Variants in CADM2 observed in about 807,000 individuals in gnomAD.
CADM2 encodes cell adhesion molecule 2.
A neutral mutation model predicts 49.8 loss-of-function variants in CADM2; 12 were observed. The ratio of observed to expected loss-of-function variants is 0.24; its 90% CI spans 0.15 to 0.39. CADM2 has a LOEUF of 0.39. Among genes scored for constraint, CADM2 ranks in the 10% least tolerant of loss-of-function variants. The pLI, the probability that CADM2 is intolerant of heterozygous loss-of-function variation, is 1.00. For missense variants in CADM2, 378 were observed against 492.3 expected (o/e 0.77, Z 2.20); for synonymous variants, 214 against 175.4 (o/e 1.22, Z -1.74).
intron 1 of CADM2, among the ~76,000 whole-genome samples, chr3:85,503,099 TAA>T (rs2040186774): frequency 1.3e-5 from 1 of 74,108 alleles, no homozygotes. Context: ...ACTCCTAACA[TAA>T]AGTTTTACTT....
chr3:85,467,686 T>C (rs1026120723), intron 1 of CADM2, among the ~76,000 whole-genome samples: 4 of 152,146 alleles, frequency 2.6e-5, no homozygotes, highest in African/African-American at 9.7e-5. Flanking sequence ...TGAGCTAAAA[T>C]AGTGTTTTCT....
intron 1 of CADM2, among the ~76,000 whole-genome samples, chr3:85,109,389 G>C (rs926091760): frequency 5.9e-5 from 9 of 151,866 alleles, no homozygotes; most frequent in African/African-American, 1.9e-4. Flanking sequence ...AGAGAGGAGA[G>C]AGAGAGAGAG....
chr3:85,482,105 C>T (rs933384738), intron 1 of CADM2, among the ~76,000 whole-genome samples: 9 of 151,454 alleles, frequency 5.9e-5, no homozygotes, highest in Non-Finnish European at 1.3e-4. Flanking sequence ...AAATGTTTAC[C>T]GAAATTCAAA....
At chr3:85,934,157 C>G (rs932794106) in intron 6 of CADM2, among the ~76,000 whole-genome samples, 3 of 152,036 alleles carry the variant, frequency 2.0e-5, no homozygotes, top group Non-Finnish European at 4.4e-5. Flanking sequence ...AAACTAAACT[C>G]TTCTTTATAA....
intron 1 of CADM2, among the ~76,000 whole-genome samples, chr3:85,088,536 T>C (rs1284581200): frequency 6.6e-6 from 1 of 152,028 alleles, no homozygotes; most frequent in Non-Finnish European, 1.5e-5. Flanking sequence ...ATCCTCAGAA[T>C]CAAGAGAGTA....
At chr3:85,097,686 T>C (rs1267035490) in intron 1 of CADM2, among the ~76,000 whole-genome samples, 1 of 152,194 alleles carries the variant, frequency 6.6e-6, no homozygotes, top group East Asian at 1.9e-4. Context: ...ACAGCTGTAA[T>C]TGGCAAATTT....
intron 1 of CADM2, among the ~76,000 whole-genome samples, chr3:85,005,150 C>G (rs1394116763): frequency 6.6e-6 from 1 of 152,106 alleles, no homozygotes; most frequent in East Asian, 1.9e-4. Flanking sequence ...CTCTCAGATT[C>G]TGGAGTAGCA....
intron 1 of CADM2, among the ~76,000 whole-genome samples, chr3:85,101,548 G>T (rs1015148299): frequency 6.6e-6 from 1 of 151,988 alleles, no homozygotes; most frequent in Non-Finnish European, 1.5e-5. Flanking sequence ...TTCACCTTAG[G>T]TGCATTATCC....
intron 2 of CADM2, among the ~76,000 whole-genome samples, chr3:85,757,482 A>C (rs1318012451): frequency 6.6e-6 from 1 of 152,066 alleles, no homozygotes; most frequent in Non-Finnish European, 1.5e-5. Context: ...GATAATTTAG[A>C]GTGTGATAAA....
At chr3:85,801,982 GA>G in intron 2 of CADM2, 64 bp from the exon 3 acceptor site, 1 of 1,381,740 alleles carries the variant, frequency 7.2e-7, no homozygotes, top group Non-Finnish European at 1.0e-6. Flanking sequence ...GGCCAGTGTA[GA>G]TCTTAGGCAG....
At chr3:85,652,536 G>A (rs1430074696) in intron 1 of CADM2, among the ~76,000 whole-genome samples, 1 of 152,070 alleles carries the variant, frequency 6.6e-6, no homozygotes, top group East Asian at 1.9e-4. Context: ...TTTCTGGCAG[G>A]ATTCACTTCC....
At chr3:85,054,413 C>T (rs2035998839) in intron 1 of CADM2, among the ~76,000 whole-genome samples, 1 of 151,886 alleles carries the variant, frequency 6.6e-6, no homozygotes, top group Non-Finnish European at 1.5e-5. Context: ...ATTGGGGGAT[C>T]TATGACATGG....
At chr3:85,884,643 G>T (rs1158597701) in intron 4 of CADM2, among the ~76,000 whole-genome samples, 2 of 151,598 alleles carry the variant, frequency 1.3e-5, no homozygotes, top group African/African-American at 4.8e-5. Context: ...GTTAAGAGGA[G>T]TTATGTTAAT....
chr3:85,896,678 A>G (rs1347141925), intron 5 of CADM2, among the ~76,000 whole-genome samples: 1 of 152,186 alleles, frequency 6.6e-6, no homozygotes, highest in Admixed American at 6.5e-5. Flanking sequence ...TTAAGCTCGA[A>G]TTGACATTAG....
chr3:85,872,566 T>G (rs2075971090), intron 3 of CADM2, among the ~76,000 whole-genome samples: 1 of 151,638 alleles, frequency 6.6e-6, no homozygotes, highest in Admixed American at 6.6e-5. Context: ...GCCCCAGGAG[T>G]TGCAACTTCA....
Position 85,695,523 on chromosome 3 carries a change from T to C in CADM2, c.62-30999T>C. ...CCATCCAATTTGCTGCAAGAGATAT[T>C]ATTTTATTCATTTTAATTGTTAAGT... On this transcript the variant is annotated intron_variant, in intron 1 of 9. Coordinates refer to ENST00000383699, the MANE Select transcript of CADM2 (RefSeq NM_001167675.2). Among the ~76,000 whole-genome samples the C allele has an allele frequency of 1.3e-5, 2 of 151,900 alleles. 1 individual carries two copies. Among genetic ancestry groups the C allele is most frequent in the Admixed American group, 1.3e-4 (2 of 15,236 alleles).
intron 1 of CADM2, among the ~76,000 whole-genome samples, chr3:85,256,676 AC>A (rs2042892317): frequency 6.6e-6 from 1 of 152,136 alleles, no homozygotes; most frequent in South Asian, 2.1e-4. Context: ...GTTTTGATTA[AC>A]ATCAAGGTTT....
chr3:85,534,940 G>C (rs1275651115), intron 1 of CADM2, among the ~76,000 whole-genome samples: 1 of 152,090 alleles, frequency 6.6e-6, no homozygotes, highest in Non-Finnish European at 1.5e-5. Context: ...TGGGAATGCT[G>C]AGTGTTACAG....
intron 1 of CADM2, among the ~76,000 whole-genome samples, chr3:85,091,281 C>T (rs573688479): frequency 6.6e-6 from 1 of 151,932 alleles, no homozygotes; most frequent in South Asian, 2.1e-4. Flanking sequence ...CTGGACGGAT[C>T]TTCAATGGCA....
Sources: gnomAD v4.1 joint callset for allele counts (sites outside exome capture counted in the v4.1 genomes callset) on GRCh38, gnomAD v4.1.1 for gene constraint, MANE v1.5 for transcripts, NCBI Gene and HGNC (gene_info 2026-07-23, HGNC 2026-07-21) for gene names.